PHACTR2: variants seen among roughly 807,000 people sequenced by gnomAD.
PHACTR2 encodes phosphatase and actin regulator 2.
A neutral mutation model predicts 76.0 loss-of-function variants in PHACTR2; 30 were observed. The observed-to-expected ratio is 0.39, with a 90% CI of 0.30 to 0.54. The LOEUF (loss-of-function observed/expected upper bound fraction) is 0.54, where lower values mean the gene tolerates loss of function less well. Among genes scored for constraint, PHACTR2 ranks in the 20% least tolerant of loss-of-function variants. The probability of loss-of-function intolerance (pLI) is 0.61; values close to 1 mark genes in which losing one functional copy is unlikely to be tolerated. For missense variants in PHACTR2, 696 were observed against 781.1 expected (o/e 0.89, Z 1.30); for synonymous variants, 292 against 292.5 (o/e 1.00, Z 0.02).
chr6:143,578,517 C>T lies in PHACTR2; in HGVS notation c.217+41310C>T, dbSNP rs1379774058. On this transcript the variant is annotated intron_variant, in intron 1 of 11. Transcript: ENST00000367584. The surrounding 1 kb of genome is among the most constrained non-coding windows in gnomAD (Gnocchi z 4.5). ...ATGGGGCCGAAATGCAGCCCATACCCTGCTTGCCAAGCTGGGTACAAAATC... is the reference window on the plus strand; with the variant it reads ...ATGGGGCCGAAATGCAGCCCATACCTTGCTTGCCAAGCTGGGTACAAAATC... Among the ~76,000 whole-genome samples the T allele has an allele frequency of 6.6e-6, 1 of 152,162 alleles. No individual in the cohort carries two copies. Among genetic ancestry groups the T allele is most frequent in the African/African-American group, 2.4e-5 (1 of 41,418 alleles).
At chr6:143,766,529 C>A (rs988470269) in intron 6 of PHACTR2, among the ~76,000 whole-genome samples, 5 of 152,192 alleles carry the variant, frequency 3.3e-5, no homozygotes, top group Non-Finnish European at 7.3e-5. Context: ...ATTGCGGAAG[C>A]AGCATTGAAG....
rs536009308 is a variant in PHACTR2, at chr6:143,795,937, A to G, written c.1845+7027A>G. Among the ~76,000 whole-genome samples the G allele has an allele frequency of 1.5e-3, 236 of 152,304 alleles. 1 individual carries two copies. Among genetic ancestry groups the G allele is most frequent in the African/African-American group, 5.4e-3 (223 of 41,564 alleles). ...TTCACCGTTGATTCCTGAGTTTACGATCTAGTCTAAAATTATCCAGTGAAA... is the reference window on the plus strand; with the variant it reads ...TTCACCGTTGATTCCTGAGTTTACGGTCTAGTCTAAAATTATCCAGTGAAA... On this transcript the variant is annotated intron_variant, in intron 11 of 12. Transcript: ENST00000440869. This position sits in a 1 kb window ranked among gnomAD's most constrained non-coding sequence, Gnocchi z 4.8.
chr6:143,637,478 T>C (rs908233050), intron 1 of PHACTR2, among the ~76,000 whole-genome samples: 1 of 152,224 alleles, frequency 6.6e-6, no homozygotes, highest in Admixed American at 6.5e-5. Context: ...CTTTGCGAAA[T>C]TGAAGTATAT....
chr6:143,669,606 G>A (rs550629732), intron 1 of PHACTR2, among the ~76,000 whole-genome samples: 5 of 152,002 alleles, frequency 3.3e-5, no homozygotes, highest in Middle Eastern at 3.2e-3. Context: ...TTGTTGCATC[G>A]ATCCCTTTAC....
In PHACTR2 at chr6:143,541,246, T is replaced by C. The variant is rs1440956317; in HGVS notation, c.217+4039T>C. 2.6e-5 allele frequency among the ~76,000 whole-genome samples: 4 copies of C among 152,208 alleles called. No homozygotes were observed. The highest frequency in any genetic ancestry group is 9.7e-5 in the African/African-American group (4 of 41,450). The stretch of plus-strand genomic sequence containing the variant: ...TCGGTATTAAGGAGCTTTGATAACT[T>C]TTTAGTGGTTTCTGATGTGCTGTTC... On this transcript the variant is annotated intron_variant, in intron 1 of 11. Transcript: ENST00000367584. The surrounding 1 kb of genome is among the most constrained non-coding windows in gnomAD (Gnocchi z 5.3).
At chr6:143,813,750 T>C (rs1014876923) in intron 12 of PHACTR2, among the ~76,000 whole-genome samples, 1 of 152,224 alleles carries the variant, frequency 6.6e-6, no homozygotes, top group Admixed American at 6.5e-5. Flanking sequence ...TTTTCAAATT[T>C]TCTTAATGGT....
chr6:143,545,820 T>C (rs1289468146), intron 1 of PHACTR2, among the ~76,000 whole-genome samples: 4 of 152,224 alleles, frequency 2.6e-5, no homozygotes, highest in Non-Finnish European at 5.9e-5. Context: ...TAAATATCAC[T>C]TTCTATCAAA....
rs957226931 is a variant in PHACTR2, at chr6:143,608,192, A to G, written c.-118A>G. 2.0e-6 allele frequency: 2 copies of G among 999,482 alleles called. No individual in the cohort carries two copies. The highest frequency in any genetic ancestry group is 1.6e-5 in the African/African-American group (1 of 63,100). The allele number at this position is 999,482 out of a possible 1,614,324, so 61.9% of individuals were successfully genotyped here. On this transcript the variant is annotated 5_prime_UTR_variant, in exon 1 of 12. Coordinates refer to the PHACTR2 transcript ENST00000305766. This position sits in a 1 kb window ranked among gnomAD's most constrained non-coding sequence, Gnocchi z 4.6. ...GTCTCCTGCAGACAGTGCATGAAGT[A>G]TGCTCAGTGTGCCAGCAAGGGCTGA... is the stretch of plus-strand genomic sequence containing the variant.
chr6:143,760,983 A>G lies in PHACTR2; in HGVS notation c.694+343A>G, dbSNP rs180773502. On this transcript the variant is annotated intron_variant, in intron 5 of 12. Coordinates refer to ENST00000440869, the MANE Select transcript of PHACTR2 (RefSeq NM_001100164.2). This position sits in a 1 kb window ranked among gnomAD's most constrained non-coding sequence, Gnocchi z 6.4. Reference sequence around the variant, plus strand: ...TTAGACATTGACTGACCTTCTACCTATATGAGCCTATGGGTGGCTTTTTGG... The same window carrying G: ...TTAGACATTGACTGACCTTCTACCTGTATGAGCCTATGGGTGGCTTTTTGG... 1.5e-4 allele frequency among the ~76,000 whole-genome samples: 23 copies of G among 152,322 alleles called. No homozygotes were observed. The highest frequency in any genetic ancestry group is 2.4e-5 in the African/African-American group (1 of 41,568).
chr6:143,817,775 C>T (rs1203351780), intron 12 of PHACTR2, among the ~76,000 whole-genome samples: 2 of 152,142 alleles, frequency 1.3e-5, no homozygotes, highest in South Asian at 2.1e-4. Flanking sequence ...ACCACACATT[C>T]TCACTTACAC....
chr6:143,741,473 A>T (rs1778941929), intron 2 of PHACTR2, among the ~76,000 whole-genome samples: 1 of 152,238 alleles, frequency 6.6e-6, no homozygotes, highest in African/African-American at 2.4e-5. Flanking sequence ...AGCTTGAGTG[A>T]CAAAGTGAGA....
At chr6:143,810,543 T>G (rs1776153460) in intron 12 of PHACTR2, 2 of 454,546 alleles carry the variant, frequency 4.4e-6, no homozygotes, top group African/African-American at 2.0e-5. Context: ...CATACCTTTA[T>G]TGATCACTTA....
rs1164244299 is a variant in PHACTR2, at chr6:143,546,709, C to A, written c.217+9502C>A. Among the ~76,000 whole-genome samples the A allele has an allele frequency of 3.3e-5, 5 of 151,884 alleles. No individual in the cohort carries two copies. The highest frequency in any genetic ancestry group is 5.9e-5 in the Non-Finnish European group (4 of 67,972). On this transcript the variant is annotated intron_variant, in intron 1 of 11. Transcript: ENST00000367584. The surrounding 1 kb of genome is among the most constrained non-coding windows in gnomAD (Gnocchi z 4.9). ...TACTCCAGATGTTTGGAGAACAAGA[C>A]AGAAAGGTGTGATAATGATAAAGAA...
chr6:143,749,115 G>T (rs1562292545), intron 3 of PHACTR2, 50 bp downstream of exon 3: 3 of 967,038 alleles, frequency 3.1e-6, no homozygotes, highest in African/African-American at 1.7e-5. Flanking sequence ...TCATTCTTTG[G>T]TTTTTCTTTT....
Position 143,827,958 on chromosome 6 carries a change from C to T in PHACTR2, c.*4269C>T, listed in dbSNP as rs943316195. 2 of 151,458 alleles carry T rather than the reference C, an allele frequency of 1.3e-5. No homozygotes were observed. The highest frequency in any genetic ancestry group is 1.3e-4 in the Admixed American group (2 of 15,192). 9.4% of individuals were successfully genotyped at this position (151,458 alleles called of 1,614,324 possible). A position where few individuals can be genotyped will look rare whatever the true frequency, so the allele number is the denominator to read the frequency against. ...AGGAGTTCGAGACCAGCCTGGCCAA[C>T]ATGGTGAAACCCTGTCTCTACTGAA... is the stretch of plus-strand genomic sequence containing the variant. On this transcript the variant is annotated 3_prime_UTR_variant, in exon 13 of 13. Transcript: ENST00000440869.
At chr6:143,788,098 C>T (rs967886024) in intron 10 of PHACTR2, among the ~76,000 whole-genome samples, 2 of 152,112 alleles carry the variant, frequency 1.3e-5, no homozygotes, top group Non-Finnish European at 2.9e-5. Flanking sequence ...AAGGAGGAAC[C>T]GAAGTTGTTA....
rs1238323389 is a variant in PHACTR2 at position 143,726,202 on chromosome 6, TCCTGCAAGTAGCAG to T, written c.214+14020_214+14033del. Among the ~76,000 whole-genome samples, 3 of 152,366 alleles carry T rather than the reference TCCTGCAAGTAGCAG, an allele frequency of 2.0e-5. No homozygotes were observed. In the East Asian group the frequency reaches 5.8e-4, roughly 29 times the overall value. ...CAAACAGTTTTCCAGAGTTTTGCAT[TCCTGCAAGTAGCAG>T]AGAAAAGTTTCAGTTGCTCCACATC... is the stretch of plus-strand genomic sequence containing the variant. On this transcript the variant is annotated intron_variant, in intron 2 of 12. Coordinates refer to ENST00000440869, the MANE Select transcript of PHACTR2 (RefSeq NM_001100164.2).
At chr6:143,586,562 C>T (rs947134313) in intron 1 of PHACTR2, among the ~76,000 whole-genome samples, 31 of 152,310 alleles carry the variant, frequency 2.0e-4, no homozygotes, top group Admixed American at 8.5e-4. Flanking sequence ...GTTTCAGCTC[C>T]GTGACTGCTG....
chr6:143,787,808 G>A lies in PHACTR2; in HGVS notation c.1708-965G>A, dbSNP rs1417920474. ...CCGGAGAGGACCACTTAGATGATGGGTAGTCTGGCTGTATACAGAGTATAT... is the reference window on the plus strand; with the variant it reads ...CCGGAGAGGACCACTTAGATGATGGATAGTCTGGCTGTATACAGAGTATAT... On this transcript the variant is annotated intron_variant, in intron 10 of 12. Coordinates refer to ENST00000440869, the MANE Select transcript of PHACTR2 (RefSeq NM_001100164.2). The surrounding 1 kb of genome is among the most constrained non-coding windows in gnomAD (Gnocchi z 4.6). Among the ~76,000 whole-genome samples the A allele has an allele frequency of 6.6e-6, 1 of 152,084 alleles. No homozygotes were observed. Among genetic ancestry groups the A allele is most frequent in the African/African-American group, 2.4e-5 (1 of 41,398 alleles).
Sources: gnomAD v4.1 joint callset for allele counts (sites outside exome capture counted in the v4.1 genomes callset) on GRCh38, gnomAD v4.1.1 for gene constraint, Gnocchi (gnomAD v3.1) non-coding constraint, MANE v1.5 for transcripts, NCBI Gene and HGNC (gene_info 2026-07-23, HGNC 2026-07-21) for gene names.